SPAG16: variants seen among roughly 807,000 people sequenced by gnomAD.
The protein encoded by SPAG16 is sperm associated antigen 16, also known as sperm-associated antigen 16 protein.
A neutral mutation model predicts 80.4 loss-of-function variants in SPAG16; 86 were observed. That is an observed-to-expected ratio of 1.07 (90% CI 0.90 to 1.28). SPAG16 has a LOEUF of 1.28. Among genes scored for constraint, SPAG16 ranks in the 50% most tolerant of loss-of-function variants. The probability of loss-of-function intolerance (pLI) is 0.00; values close to 1 mark genes in which losing one functional copy is unlikely to be tolerated. For synonymous variants in SPAG16, 294 were observed against 265.9 expected (o/e 1.11, Z -1.03); for missense variants, 870 against 765.3 (o/e 1.14, Z -1.61).
intron 14 of SPAG16, among the ~76,000 whole-genome samples, chr2:214,123,180 T>G (rs2054303378): frequency 6.6e-6 from 1 of 151,942 alleles, no homozygotes; most frequent in Non-Finnish European, 1.5e-5. Context: ...TCTATCTTTA[T>G]TTCTACTTTG....
chr2:214,074,884 G>A (rs567281192), intron 13 of SPAG16, among the ~76,000 whole-genome samples: 74 of 152,106 alleles, frequency 4.9e-4, no homozygotes, highest in Non-Finnish European at 9.0e-4. Flanking sequence ...AGCAGATAAC[G>A]CAAACTGTTA....
In SPAG16 at chr2:214,266,936, G is replaced by A. The variant is rs546474460; in HGVS notation, c.1720+117670G>A. Among the ~76,000 whole-genome samples the A allele has an allele frequency of 1.1e-3, 167 of 151,568 alleles. 1 individual carries two copies. The highest frequency in any genetic ancestry group is 3.9e-3 in the African/African-American group (161 of 41,478). ...CATAAAACATTGATGAAAATAAAAG[G>A]TGTCACAAATAAATGGAAAGATACC... On this transcript the variant is annotated intron_variant, in intron 15 of 15. Coordinates refer to ENST00000331683, the MANE Select transcript of SPAG16 (RefSeq NM_024532.5).
At chr2:214,382,826 T>C (rs758586581) in intron 15 of SPAG16, among the ~76,000 whole-genome samples, 1 of 152,188 alleles carries the variant, frequency 6.6e-6, no homozygotes, top group Non-Finnish European at 1.5e-5. Context: ...GAGAGCATCA[T>C]GGAGTAGAAG....
chr2:213,590,343 C>T (rs977338999), intron 10 of SPAG16, among the ~76,000 whole-genome samples: 3 of 151,944 alleles, frequency 2.0e-5, no homozygotes, highest in African/African-American at 4.8e-5. Flanking sequence ...AGTTTTTCAA[C>T]CCTTTCCCTC....
chr2:213,619,401 CA>C (rs2061699149), intron 10 of SPAG16, among the ~76,000 whole-genome samples: 1 of 152,044 alleles, frequency 6.6e-6, no homozygotes, highest in Admixed American at 6.6e-5. Flanking sequence ...AGAATATTTG[CA>C]AATTATTCAT....
chr2:214,164,204 A>T (rs2056562694), intron 15 of SPAG16, among the ~76,000 whole-genome samples: 1 of 152,154 alleles, frequency 6.6e-6, no homozygotes, highest in Admixed American at 6.6e-5. Flanking sequence ...CTACTTGAGA[A>T]AGAAGGTTCA....
intron 15 of SPAG16, among the ~76,000 whole-genome samples, chr2:214,307,847 A>C (rs967038722): frequency 6.6e-6 from 1 of 152,202 alleles, no homozygotes; most frequent in Non-Finnish European, 1.5e-5. Flanking sequence ...TGTTGCAATG[A>C]AAAGAATGTA....
At chr2:213,902,042 G>A (rs1353611434) in intron 11 of SPAG16, among the ~76,000 whole-genome samples, 5 of 152,150 alleles carry the variant, frequency 3.3e-5, no homozygotes, top group Non-Finnish European at 7.3e-5. Context: ...AGGTATAACA[G>A]CTGGGTTTTC....
intron 10 of SPAG16, among the ~76,000 whole-genome samples, chr2:213,793,798 T>G (rs976853268): frequency 6.6e-6 from 1 of 152,196 alleles, no homozygotes; most frequent in Non-Finnish European, 1.5e-5. Context: ...AGTTTGGATA[T>G]CCCAGAAGTC....
intron 10 of SPAG16, among the ~76,000 whole-genome samples, chr2:213,589,807 AC>A (rs2124912901): frequency 6.6e-6 from 1 of 151,476 alleles, no homozygotes; most frequent in African/African-American, 2.4e-5. Context: ...CTGTAATCCC[AC>A]CTATTCGGGT....
intron 5 of SPAG16, among the ~76,000 whole-genome samples, chr2:213,323,168 C>T (rs1052199864): frequency 7.2e-5 from 11 of 152,160 alleles, no homozygotes; most frequent in African/African-American, 2.2e-4. Flanking sequence ...ATGTCCGGCG[C>T]GGTGGCTTAC....
At chr2:213,949,067 A>ATT (rs1163983775) in intron 12 of SPAG16, among the ~76,000 whole-genome samples, 1 of 151,342 alleles carries the variant, frequency 6.6e-6, no homozygotes, top group African/African-American at 2.4e-5. Context: ...ACAGTAATGT[A>ATT]TTATTTAGAA....
At chr2:213,332,264 A>G (rs1601956) in intron 5 of SPAG16, among the ~76,000 whole-genome samples, 30,705 of 152,108 alleles carry the variant, frequency 0.2, 3,864 homozygotes, top group Middle Eastern at 0.34. Context: ...GACCAACTAC[A>G]TGCCAATAAA....
chr2:213,485,500 T>C (rs1368094343), intron 9 of SPAG16, among the ~76,000 whole-genome samples: 1 of 152,158 alleles, frequency 6.6e-6, no homozygotes, highest in Non-Finnish European at 1.5e-5. Context: ...TTTTATTGCT[T>C]CTTTATTTGC....
intron 15 of SPAG16, among the ~76,000 whole-genome samples, chr2:214,231,413 C>T (rs1404870895): frequency 6.6e-6 from 1 of 151,788 alleles, no homozygotes; most frequent in Admixed American, 6.6e-5. Context: ...ACTGAGACAA[C>T]CCATGATTTA....
intron 10 of SPAG16, among the ~76,000 whole-genome samples, chr2:213,785,245 C>T (rs567809493): frequency 3.4e-4 from 52 of 152,058 alleles, no homozygotes; most frequent in East Asian, 1.4e-3. Context: ...ATTCATAAGA[C>T]GCACTGAGAA....
intron 10 of SPAG16, among the ~76,000 whole-genome samples, chr2:213,740,112 T>C (rs12996898): frequency 0.45 from 69,118 of 151,916 alleles, 17,206 homozygotes; most frequent in Non-Finnish European, 0.56. Flanking sequence ...CATATTACAT[T>C]ACACATTACA....
At chr2:213,656,243 G>A (rs965358202) in intron 10 of SPAG16, among the ~76,000 whole-genome samples, 4 of 152,118 alleles carry the variant, frequency 2.6e-5, no homozygotes, top group African/African-American at 4.8e-5. Flanking sequence ...TCGCCCAGGC[G>A]ACCTCGGCTC....
chr2:214,254,803 T>A (rs1208135468), intron 15 of SPAG16, among the ~76,000 whole-genome samples: 1 of 152,084 alleles, frequency 6.6e-6, no homozygotes, highest in African/African-American at 2.4e-5. Context: ...AAACTCATTT[T>A]TATTTTCTAA....
Sources: allele counts gnomAD v4.1 joint callset (sites outside exome capture counted in the v4.1 genomes callset), GRCh38; gene constraint gnomAD v4.1.1; transcripts MANE v1.5; gene names NCBI Gene and HGNC (gene_info 2026-07-23, HGNC 2026-07-21).